MAGI3: variants seen among roughly 807,000 people sequenced by gnomAD.
MAGI3 encodes the protein membrane associated guanylate kinase, WW and PDZ domain containing 3.
MAGI3 carries 43 observed loss-of-function variants against 121.8 expected under a neutral mutation model. The ratio of observed to expected loss-of-function variants is 0.35; its 90% CI spans 0.28 to 0.46. MAGI3 has a LOEUF of 0.46. Ranked by LOEUF, MAGI3 falls within the 20% of genes least tolerant of loss-of-function variation. The probability of loss-of-function intolerance (pLI) is 1.00; values close to 1 mark genes in which losing one functional copy is unlikely to be tolerated. For synonymous variants in MAGI3, 553 were observed against 639.3 expected (o/e 0.86, Z 2.04); for missense variants, 1,547 against 1,797.3 (o/e 0.86, Z 2.52).
intron 2 of MAGI3, among the ~76,000 whole-genome samples, chr1:113,569,937 A>G (rs1038204365): frequency 6.6e-6 from 1 of 152,098 alleles, no homozygotes; most frequent in Non-Finnish European, 1.5e-5. Context: ...GGTTTGTTGC[A>G]TAGGTATGCA....
At chr1:113,483,179 A>G (rs1656196010) in intron 1 of MAGI3, among the ~76,000 whole-genome samples, 1 of 152,196 alleles carries the variant, frequency 6.6e-6, no homozygotes, top group Non-Finnish European at 1.5e-5. Flanking sequence ...ACATATGTGA[A>G]TGCCATTTTG....
Position 113,519,518 on chromosome 1 carries a change from A to G in MAGI3, c.317-29997A>G, listed in dbSNP as rs1270929052. ...TACTGTGTCAGAGGTCTTCAAGACC[A>G]CTTCCAAGTGTGGTGATTTGTTAGG... On this transcript the variant is annotated intron_variant, in intron 1 of 20. Transcript: ENST00000307546. 2.6e-5 allele frequency among the ~76,000 whole-genome samples: 4 copies of G among 152,200 alleles called. No individual in the cohort carries two copies. The East Asian group carries it at 5.8e-4, about 22-fold the overall frequency.
rs1648443517 is a variant in MAGI3, at chr1:113,684,688, A to AGAT, written c.*675_*677dup. ...ATAAGTTGTTTCAAATAACTGTTAA[A>AGAT]GATATTACTTACAATTGAATGTTTG... On this transcript the variant is annotated 3_prime_UTR_variant, in exon 21 of 21. Coordinates refer to ENST00000307546, the MANE Select transcript of MAGI3 (RefSeq NM_001142782.2). 1 of 152,384 alleles carries AGAT rather than the reference A, an allele frequency of 6.6e-6. No homozygotes were observed. The highest frequency in any genetic ancestry group is 2.4e-5 in the African/African-American group (1 of 41,472). The allele number at this position is 152,384 out of a possible 1,614,324, so 9.4% of individuals were successfully genotyped here. A position where few individuals can be genotyped will look rare whatever the true frequency, so the allele number is the denominator to read the frequency against.
rs1035392451 is a variant in MAGI3, at chr1:113,683,978, C to G, written c.4410C>G (p.Val1470=). The change falls in exon 21 of 21, where the codon GTC becomes GTG. Residue 1470 remains valine, a synonymous_variant. Coordinates refer to ENST00000307546, the MANE Select transcript of MAGI3 (RefSeq NM_001142782.2). ...GPWKVPSGNK[V]TGTIGMAEKR... Reference sequence around the variant, plus strand: ...GGAAGGTTCCAAGTGGAAATAAAGTCACAGGCACTATTGGTATGGCTGAGA... The same window carrying G: ...GGAAGGTTCCAAGTGGAAATAAAGTGACAGGCACTATTGGTATGGCTGAGA... 8 of 1,595,422 alleles carry G rather than the reference C, an allele frequency of 5.0e-6. No homozygotes were observed. The African/African-American group carries it at 1.1e-4, about 22-fold the overall frequency.
intron 9 of MAGI3, among the ~76,000 whole-genome samples, chr1:113,633,396 G>A (rs1208698561): frequency 6.7e-6 from 1 of 149,846 alleles, no homozygotes; most frequent in Non-Finnish European, 1.5e-5. Flanking sequence ...CAAGTAGCTG[G>A]GACTACAGGC....
rs1647577174 is a variant in MAGI3 at position 113,671,907 on chromosome 1, C to T, written c.2918+71C>T. The T allele has an allele frequency of 4.2e-5, 56 of 1,332,086 alleles. 1 individual carries two copies. In the South Asian group the frequency reaches 6.1e-4, roughly 15 times the overall value. The allele number at this position is 1,332,086 out of a possible 1,614,324, so 82.5% of individuals were successfully genotyped here. On this transcript the variant is annotated intron_variant, in intron 17 of 20. Transcript: ENST00000307546. ...TCCTTATTGCTCTGCTGTTCATAAC[C>T]CCACTCCCCATCATCCACCCCCATG...
intron 1 of MAGI3, among the ~76,000 whole-genome samples, chr1:113,417,608 C>G (rs374249289): frequency 6.6e-6 from 1 of 152,110 alleles, no homozygotes; most frequent in Non-Finnish European, 1.5e-5. Context: ...TCCCTCCTCC[C>G]CTATCCTTTT....
At chr1:113,404,936 G>A (rs1651594902) in intron 1 of MAGI3, among the ~76,000 whole-genome samples, 4 of 152,014 alleles carry the variant, frequency 2.6e-5, no homozygotes, top group Admixed American at 2.6e-4. Flanking sequence ...ATTTCTGTGT[G>A]TTGCCAGCTG....
intron 1 of MAGI3, among the ~76,000 whole-genome samples, chr1:113,533,693 G>C (rs760340973): frequency 6.6e-6 from 1 of 151,834 alleles, no homozygotes; most frequent in Non-Finnish European, 1.5e-5. Context: ...GTTGCCAAGC[G>C]AACGGAATAC....
chr1:113,656,637 A>C (rs1382459568), intron 15 of MAGI3, among the ~76,000 whole-genome samples: 1 of 151,964 alleles, frequency 6.6e-6, no homozygotes, highest in Non-Finnish European at 1.5e-5. Flanking sequence ...GGCTGGTCTC[A>C]AACTCCCAAC....
chr1:113,479,093 A>G (rs190109901), intron 1 of MAGI3, among the ~76,000 whole-genome samples: 1 of 152,272 alleles, frequency 6.6e-6, no homozygotes, highest in East Asian at 1.9e-4. Context: ...CCCGGTTGCT[A>G]AGACCTTGGG....
At chr1:113,577,480 AG>A (rs140865837) in intron 2 of MAGI3, among the ~76,000 whole-genome samples, 4 of 151,194 alleles carry the variant, frequency 2.6e-5, no homozygotes, top group Non-Finnish European at 4.4e-5. Context: ...AGTGGGGGTG[AG>A]GGGGGATGTA....
intron 1 of MAGI3, among the ~76,000 whole-genome samples, chr1:113,437,845 CTTCTTCTTCTTCTTCTTCCTCTTCTTCTT>C (rs1557756927): frequency 1.5e-3 from 89 of 60,876 alleles, no homozygotes; most frequent in Middle Eastern, 6.6e-3. Flanking sequence ...TCTTCTTCTT[CTTCTTCTTCTTCTTCTTCCTCTTCTTCTT>C]CTTCTCCTTC....
chr1:113,430,254 G>C (rs901932938), intron 1 of MAGI3, among the ~76,000 whole-genome samples: 8 of 152,118 alleles, frequency 5.3e-5, no homozygotes, highest in African/African-American at 1.9e-4. Context: ...ATTACATACA[G>C]CTCTATCATT....
chr1:113,624,425 A>C (rs1382656123), intron 9 of MAGI3, among the ~76,000 whole-genome samples: 2 of 152,186 alleles, frequency 1.3e-5, no homozygotes, highest in African/African-American at 4.8e-5. Flanking sequence ...AAGATACCTC[A>C]TTGTGCTTTT....
intron 1 of MAGI3, among the ~76,000 whole-genome samples, chr1:113,511,413 G>A (rs533213439): frequency 1.1e-4 from 17 of 152,310 alleles, no homozygotes; most frequent in Admixed American, 3.9e-4. Flanking sequence ...CAAATGCTTC[G>A]TGCTGCAAAG....
chr1:113,403,119 G>T (rs1016858603), intron 1 of MAGI3, among the ~76,000 whole-genome samples: 1 of 152,154 alleles, frequency 6.6e-6, no homozygotes, highest in Admixed American at 6.5e-5. Context: ...GGGCTGGAGG[G>T]CTGGGCTCTA....
chr1:113,534,306 A>G (rs1474526475), intron 1 of MAGI3, among the ~76,000 whole-genome samples: 2 of 152,200 alleles, frequency 1.3e-5, no homozygotes, highest in African/African-American at 4.8e-5. Flanking sequence ...CATCCTGGTA[A>G]AATATTTAGT....
chr1:113,495,038 A>C (rs1196714814), intron 1 of MAGI3, among the ~76,000 whole-genome samples: 1 of 152,164 alleles, frequency 6.6e-6, no homozygotes, highest in African/African-American at 2.4e-5. Flanking sequence ...TAGTACCCTA[A>C]TTTTTGTAGG....
Sources: gnomAD v4.1 joint callset for allele counts (sites outside exome capture counted in the v4.1 genomes callset) on GRCh38, gnomAD v4.1.1 for gene constraint, MANE v1.5 for transcripts, NCBI Gene and HGNC (gene_info 2026-07-23, HGNC 2026-07-21) for gene names.